C1QTNF12: variants seen among roughly 807,000 people sequenced by gnomAD.
C1QTNF12 encodes the protein adipolin.
Under a neutral mutation model 34.3 loss-of-function variants are expected in C1QTNF12, and 39 were observed. The ratio of observed to expected loss-of-function variants is 1.14; its 90% confidence interval spans 0.88 to 1.49. C1QTNF12 has a LOEUF of 1.49. C1QTNF12 is among the 40% of genes most tolerant of loss of function. C1QTNF12 has a pLI of 0.00. For missense variants in C1QTNF12, 497 were observed against 424.7 expected, an observed-to-expected ratio of 1.17 and a Z score of -1.50; for synonymous variants, 220 against 196.9, an observed-to-expected ratio of 1.12 and a Z score of -0.98.
Position 1,246,721 on chromosome 1 carries a change from A to G in C1QTNF12, c.-31T>C. The G allele has an allele frequency of 8.2e-7, 1 of 1,213,938 alleles. No homozygotes were observed. Among genetic ancestry groups the G allele is most frequent in the Admixed American group, 4.3e-5 (1 of 23,052 alleles). 75.2% of individuals were successfully genotyped at this position (1,213,938 alleles called of 1,614,324 possible). A position where few individuals can be genotyped will look rare whatever the true frequency, so the allele number is the denominator to read the frequency against. ...CGTCCCGAGGCGGCTCAGCGCGGCG[A>G]GTCTCGGCGCCAGGGCGCAGTCATG... On this transcript the variant is annotated 5_prime_UTR_variant, in exon 1 of 8. Coordinates refer to ENST00000330388, the MANE Select transcript of C1QTNF12 (RefSeq NM_001014980.3). This position sits in a 1 kb window ranked among gnomAD's most constrained non-coding sequence, Gnocchi z 4.5.
intron 7 of C1QTNF12, 22 bp downstream of exon 7, chr1:1,242,813 C>T (rs1638773132): frequency 6.2e-7 from 1 of 1,611,676 alleles, no homozygotes; most frequent in South Asian, 1.1e-5. Context: ...AGCCCTCCCG[C>T]TCACACCCGG....
upstream of C1QTNF12, among the ~76,000 whole-genome samples, chr1:1,247,032 C>G (rs1269530141): frequency 6.6e-6 from 1 of 152,158 alleles, no homozygotes; most frequent in Non-Finnish European, 1.5e-5. Flanking sequence ...CCCCGACGGC[C>G]AGGGACGGAG....
intron 5 of C1QTNF12, 131 bp downstream of exon 5, chr1:1,243,313 T>C (rs1204211456): frequency 9.6e-7 from 1 of 1,046,326 alleles, no homozygotes; most frequent in African/African-American, 1.6e-5. Flanking sequence ...CCATGCCCAG[T>C]CCAAGGCCCC....
upstream of C1QTNF12, among the ~76,000 whole-genome samples, chr1:1,247,029 G>A (rs182300651): frequency 8.8e-3 from 1,331 of 152,076 alleles, 15 homozygotes; most frequent in African/African-American, 0.031. Flanking sequence ...GCGCCCCGAC[G>A]GCCAGGGACG....
In C1QTNF12 at chr1:1,246,428, G is replaced by T; in HGVS notation, c.177+86C>A. The T allele has an allele frequency of 8.8e-7, 1 of 1,137,492 alleles. No homozygotes were observed. Among genetic ancestry groups the T allele is most frequent in the Non-Finnish European group, 1.1e-6 (1 of 903,240 alleles). 70.5% of individuals were successfully genotyped at this position (1,137,492 alleles called of 1,614,324 possible). A position where few individuals can be genotyped will look rare whatever the true frequency, so the allele number is the denominator to read the frequency against. On this transcript the variant is annotated intron_variant, in intron 1 of 7. Coordinates refer to ENST00000330388, the MANE Select transcript of C1QTNF12 (RefSeq NM_001014980.3). The surrounding 1 kb of genome is among the most constrained non-coding windows in gnomAD (Gnocchi z 4.5). ...GGGCGACCCGGAGGCAGAGCCGGCA[G>T]GGACAGAGCCTGCTGGGGGAGGACG...
chr1:1,243,757 G>C (rs892484794), intron 4 of C1QTNF12, among the ~76,000 whole-genome samples, 197 bp downstream of exon 4: 1 of 152,098 alleles, frequency 6.6e-6, no homozygotes, highest in African/African-American at 2.4e-5. Flanking sequence ...GGGGACCCAC[G>C]CTCCGTCTGG....
At position 1,244,068 on chromosome 1, in the gene C1QTNF12, C is replaced by A; in HGVS notation, c.417G>T (p.Pro139=). 6.3e-7 allele frequency: 1 copy of A among 1,596,180 alleles called. No homozygotes were observed. Among genetic ancestry groups the A allele is most frequent in the Non-Finnish European group, 8.5e-7 (1 of 1,171,952 alleles). Residue 139 remains proline (P), a synonymous_variant, in exon 4 of 8, where the codon CCG becomes CCT. Coordinates refer to ENST00000330388, the MANE Select transcript of C1QTNF12 (RefSeq NM_001014980.3). ...TERRFSGLLD[P]LLPQGAGLRL... ...GCAGGCCCGCCCCCTGGGGCAGCAG[C>A]GGGTCCAGAAGCCCTGAGAACCGGC...
Position 1,243,448 on chromosome 1 carries a change from G to A in C1QTNF12, c.636C>T (p.His212=), listed in dbSNP as rs776235459. 3.7e-5 allele frequency: 57 copies of A among 1,554,110 alleles called. No individual in the cohort carries two copies. The highest frequency in any genetic ancestry group is 4.6e-5 in the Non-Finnish European group (53 of 1,148,824). Residue 212 remains histidine (H), a synonymous_variant, in exon 5 of 8, where the codon CAC becomes CAT. Transcript: ENST00000330388. ...GCACTGCCCCATCCGGCTCACCCACGTGCAGACTGGCAGAGAACTGGAAGA... is the reference window on the plus strand; with the variant it reads ...GCACTGCCCCATCCGGCTCACCCACATGCAGACTGGCAGAGAACTGGAAGA... ...SGIFQFSASL[H]VDHSELQGKA... is the part of the protein sequence containing the mutation.
At chr1:1,242,772 G>C in intron 7 of C1QTNF12, 63 bp downstream of exon 7, 1 of 1,587,708 alleles carries the variant, frequency 6.3e-7, no homozygotes, top group Non-Finnish European at 8.6e-7. Context: ...AGTGCACCGA[G>C]CTCACACCCG....
Position 1,246,338 on chromosome 1 carries a change from C to T in C1QTNF12, c.177+176G>A, listed in dbSNP as rs1000299631. Among the ~76,000 whole-genome samples, 2 of 152,126 alleles carry T rather than the reference C, an allele frequency of 1.3e-5. No individual in the cohort carries two copies. Among genetic ancestry groups the T allele is most frequent in the Admixed American group, 6.5e-5 (1 of 15,296 alleles). ...CGCTGCAGAGGAGGAGAGGGCTTCC[C>T]AGAGGCCGGCCTGGCTGGGCTGCAG... On this transcript the variant is annotated intron_variant, in intron 1 of 7. Coordinates refer to ENST00000330388, the MANE Select transcript of C1QTNF12 (RefSeq NM_001014980.3). This position sits in a 1 kb window ranked among gnomAD's most constrained non-coding sequence, Gnocchi z 4.5.
At chr1:1,247,148 C>T (rs1306222257), upstream of C1QTNF12, among the ~76,000 whole-genome samples, 1 of 151,904 alleles carries the variant, frequency 6.6e-6, no homozygotes, top group Non-Finnish European at 1.5e-5. Flanking sequence ...ATTCTGGGAA[C>T]CGTGAAGACA....
In C1QTNF12 at chr1:1,246,083, G is replaced by A. The variant is rs1250146701; in HGVS notation, c.177+431C>T. 6.6e-6 allele frequency among the ~76,000 whole-genome samples: 1 copy of A among 152,106 alleles called. No individual in the cohort carries two copies. The highest frequency in any genetic ancestry group is 1.5e-5 in the Non-Finnish European group (1 of 67,996). The stretch of plus-strand genomic sequence containing the variant: ...AAAGCACAAGGGACAGGCTCGCCAT[G>A]GCGTCTCCAGCCGCAGGAGTCATGG... On this transcript the variant is annotated intron_variant, in intron 1 of 7. Transcript: ENST00000330388. The surrounding 1 kb of genome is among the most constrained non-coding windows in gnomAD (Gnocchi z 4.5).
chr1:1,243,688 AC>A lies in C1QTNF12; in HGVS notation c.532-137del, dbSNP rs1638803285. The A allele has an allele frequency of 4.9e-6, 4 of 820,956 alleles. 1 individual carries two copies. In the Admixed American group the frequency reaches 9.8e-5, roughly 20 times the overall value. 50.9% of individuals were successfully genotyped at this position (820,956 alleles called of 1,614,324 possible). On this transcript the variant is annotated intron_variant, in intron 4 of 7. Coordinates refer to ENST00000330388, the MANE Select transcript of C1QTNF12 (RefSeq NM_001014980.3). ...CGGGACCCTCACGCTCACTGTGGGC[AC>A]CAGCAGGACTGACCCTCGAGTCCAC...
intron 4 of C1QTNF12, 40 bp from the exon 5 acceptor site, chr1:1,243,592 G>A: frequency 6.7e-7 from 1 of 1,499,586 alleles, no homozygotes; most frequent in East Asian, 2.5e-5. Flanking sequence ...GCAGGGCCTG[G>A]CCCCCACCCC....
rs2101005689 is a variant in C1QTNF12 at position 1,244,079 on chromosome 1, G to A, written c.406C>T (p.Leu136Phe). The change falls in exon 4 of 8, where the codon CTT (leucine) becomes TTT (phenylalanine). Residue 136 changes from leucine to phenylalanine, a missense_variant. By Grantham distance (22) the Leu-to-Phe change is conservative. Coordinates refer to ENST00000330388, the MANE Select transcript of C1QTNF12 (RefSeq NM_001014980.3). The part of the protein sequence containing the change: ...KEATERRFSG[L>F]LDPLLPQGAG... ...CCCTGGGGCAGCAGCGGGTCCAGAAGCCCTGAGAACCGGCGCTCCGTGGCC... is the reference window on the plus strand; with the variant it reads ...CCCTGGGGCAGCAGCGGGTCCAGAAACCCTGAGAACCGGCGCTCCGTGGCC... The A allele has an allele frequency of 1.3e-6, 2 of 1,593,798 alleles. No homozygotes were observed. Among genetic ancestry groups the A allele is most frequent in the Non-Finnish European group, 1.7e-6 (2 of 1,170,534 alleles).
At chr1:1,243,383 G>A (rs1424468840) in intron 5 of C1QTNF12, 61 bp downstream of exon 5, 70 of 1,451,498 alleles carry the variant, frequency 4.8e-5, no homozygotes, top group East Asian at 7.5e-5. Context: ...GATGCCAGGC[G>A]CCCCCAGAAA....
intron 7 of C1QTNF12, 66 bp downstream of exon 7, chr1:1,242,769 C>G: frequency 3.8e-6 from 6 of 1,584,256 alleles, no homozygotes; most frequent in Non-Finnish European, 3.5e-6. Flanking sequence ...CTGAGTGCAC[C>G]GAGCTCACAC....
chr1:1,242,953 G>A, intron 6 of C1QTNF12, 40 bp from the exon 7 acceptor site: 3 of 1,598,760 alleles, frequency 1.9e-6, no homozygotes, highest in Non-Finnish European at 2.6e-6. Context: ...GGCGTTGCAG[G>A]TCCAGGGGGC....
rs764885516 is a variant in C1QTNF12, at chr1:1,243,162, G to C, written c.641-10C>G. On this transcript the variant is annotated splice_polypyrimidine_tract_variant and intron_variant, in intron 5 of 7. Transcript: ENST00000330388. The stretch of plus-strand genomic sequence containing the variant: ...TGCAGCTCACTGTGGTCTGCGGAGA[G>C]AGCCCTGGGGAGGGTGGTGCATGGG... 1.5e-5 allele frequency: 23 copies of C among 1,489,934 alleles called. No homozygotes were observed. Among genetic ancestry groups the C allele is most frequent in the South Asian group, 4.9e-5 (4 of 81,662 alleles). The allele number at this position is 1,489,934 out of a possible 1,614,324, so 92.3% of individuals were successfully genotyped here. A position where few individuals can be genotyped will look rare whatever the true frequency, so the allele number is the denominator to read the frequency against.
Sources: allele counts gnomAD v4.1 joint callset (sites outside exome capture counted in the v4.1 genomes callset), GRCh38; gene constraint gnomAD v4.1.1; non-coding constraint Gnocchi (gnomAD v3.1); transcripts MANE v1.5; gene names NCBI Gene and HGNC (gene_info 2026-07-23, HGNC 2026-07-21).